MFSD11: variants seen among roughly 807,000 people sequenced by gnomAD.
MFSD11 encodes UNC93-like protein MFSD11.
MFSD11 carries 36 observed loss-of-function variants against 53.5 expected under a neutral mutation model. The ratio of observed to expected loss-of-function variants is 0.67; its 90% CI spans 0.52 to 0.89. MFSD11 has a LOEUF of 0.89. Among genes scored for constraint, MFSD11 ranks in the 40% least tolerant of loss-of-function variants. The pLI is 0.00. For missense variants in MFSD11, 530 were observed against 543.9 expected (o/e 0.97, Z 0.25); for synonymous variants, 186 against 184.9 (o/e 1.01, Z -0.05).
the MFSD11 span, among the ~76,000 whole-genome samples, chr17:76,795,437 T>G: frequency 6.6e-6 from 1 of 151,348 alleles, no homozygotes; most frequent in Non-Finnish European, 1.5e-5. Context: ...TGCAGTGAGC[T>G]GAGATTGCAC....
In MFSD11 at chr17:76,738,327, G is replaced by C; in HGVS notation, c.-26G>C. On this transcript the variant is annotated 5_prime_UTR_variant, in exon 1 of 13. Transcript: ENST00000685175. The stretch of plus-strand genomic sequence containing the variant: ...CGAGGAGAGCTGACTGCCCTGGGCT[G>C]CTGCCTCCGGCAGAGCTGAGCCAAA... 1 of 1,544,734 alleles carries C rather than the reference G, an allele frequency of 6.5e-7. No individual in the cohort carries two copies. Among genetic ancestry groups the C allele is most frequent in the Non-Finnish European group, 9.0e-7 (1 of 1,117,196 alleles).
At chr17:76,790,608 G>A in the MFSD11 span, among the ~76,000 whole-genome samples, 1 of 141,466 alleles carries the variant, frequency 7.1e-6, no homozygotes, top group Non-Finnish European at 1.5e-5. Context: ...GTGAGCCACC[G>A]TGCCCGGCCT....
chr17:76,754,682 T>G (rs1207500526), intron 8 of MFSD11, among the ~76,000 whole-genome samples: 1 of 10,314 alleles, frequency 9.7e-5, no homozygotes. Context: ...AGACTCCATC[T>G]CAAAAAAAAA....
chr17:76,758,452 A>C (rs1177044928), intron 8 of MFSD11, among the ~76,000 whole-genome samples: 1 of 151,888 alleles, frequency 6.6e-6, no homozygotes, highest in Admixed American at 6.6e-5. Flanking sequence ...GTTTTGGGGC[A>C]TGCACTTGCA....
chr17:76,781,982 T>C (rs2082174075), downstream of MFSD11, among the ~76,000 whole-genome samples: 1 of 147,972 alleles, frequency 6.8e-6, no homozygotes, highest in African/African-American at 2.6e-5. Flanking sequence ...CCACCATGCC[T>C]GGATAATTTT....
rs556794182 is a variant in MFSD11, at chr17:76,743,187, G to A, written c.438-211G>A. ...CCTCTGAATCAGGTTACTGTCACAT[G>A]GAAGGAGACTGAATTCCATCTGGGG... On this transcript the variant is annotated intron_variant, in intron 5 of 12. Transcript: ENST00000685175. Among the ~76,000 whole-genome samples the A allele has an allele frequency of 9.5e-4, 144 of 152,244 alleles. 1 individual carries two copies. The highest frequency in any genetic ancestry group is 7.4e-3 in the Admixed American group (113 of 15,302).
chr17:76,738,349 C>A lies in MFSD11; in HGVS notation c.-4C>A. The A allele has an allele frequency of 6.2e-7, 1 of 1,613,296 alleles. No homozygotes were observed. Among genetic ancestry groups the A allele is most frequent in the Non-Finnish European group, 8.5e-7 (1 of 1,179,278 alleles). On this transcript the variant is annotated 5_prime_UTR_variant, in exon 1 of 13. Transcript: ENST00000685175. ...GCTGCTGCCTCCGGCAGAGCTGAGC[C>A]AAAATGTCCCCGGAATCTAAAAAGC...
chr17:76,758,175 G>T (rs2079837494), intron 8 of MFSD11, among the ~76,000 whole-genome samples: 1 of 152,086 alleles, frequency 6.6e-6, no homozygotes, highest in Non-Finnish European at 1.5e-5. Context: ...ATAAAAGTGG[G>T]TCTTAAGCAA....
At chr17:76,791,038 G>T in the MFSD11 span, among the ~76,000 whole-genome samples, 1 of 148,666 alleles carries the variant, frequency 6.7e-6, no homozygotes, top group Non-Finnish European at 1.5e-5. Context: ...ATACTAGGAT[G>T]TATATTTGTG....
intron 8 of MFSD11, among the ~76,000 whole-genome samples, chr17:76,764,064 C>T (rs749555792): frequency 5.3e-5 from 8 of 152,062 alleles, no homozygotes; most frequent in Non-Finnish European, 8.8e-5. Flanking sequence ...GGGGTTTTAC[C>T]ATGTTGGCCC....
intron 7 of MFSD11, chr17:76,753,053 T>A (rs1262524523): frequency 6.6e-6 from 1 of 151,220 alleles, no homozygotes; most frequent in African/African-American, 2.4e-5. Context: ...AAAAATCTTG[T>A]CACATGTTGG....
upstream of MFSD11, chr17:76,737,338 G>T: frequency 2.5e-6 from 2 of 810,326 alleles, no homozygotes; most frequent in South Asian, 2.2e-5. Flanking sequence ...AACTGGGCGG[G>T]CAGCCGGCCT....
At chr17:76,755,784 G>GTATA (rs1482462824) in intron 8 of MFSD11, among the ~76,000 whole-genome samples, 1 of 23,284 alleles carries the variant, frequency 4.3e-5, no homozygotes, top group Non-Finnish European at 1.0e-4. Flanking sequence ...GTGTGTGTGT[G>GTATA]TGTATACATA....
intron 8 of MFSD11, among the ~76,000 whole-genome samples, chr17:76,766,005 G>A (rs1198287312): frequency 1.3e-5 from 2 of 150,752 alleles, no homozygotes; most frequent in Non-Finnish European, 2.9e-5. Context: ...TTCACTCTTG[G>A]TGTGGTACCT....
At chr17:76,788,777 T>C in the MFSD11 span, among the ~76,000 whole-genome samples, 2 of 145,942 alleles carry the variant, frequency 1.4e-5, no homozygotes, top group Admixed American at 1.4e-4. Context: ...CACTTGAACC[T>C]GGGAGAAGGA....
upstream of MFSD11, chr17:76,737,391 C>A: frequency 2.0e-6 from 1 of 510,748 alleles, no homozygotes; most frequent in South Asian, 3.7e-5. Context: ...GCGCCCGCGC[C>A]ACCCGGAAAT....
At chr17:76,766,002 T>C (rs1472404384) in intron 8 of MFSD11, among the ~76,000 whole-genome samples, 2 of 151,350 alleles carry the variant, frequency 1.3e-5, no homozygotes, top group African/African-American at 4.9e-5. Flanking sequence ...GGATTCACTC[T>C]TGGTGTGGTA....
Position 76,776,089 on chromosome 17 carries a change from G to A in MFSD11, c.1050-317G>A, listed in dbSNP as rs144049017. On this transcript the variant is annotated intron_variant, in intron 11 of 12. Coordinates refer to ENST00000685175, the MANE Select transcript of MFSD11 (RefSeq NM_001242532.5). The surrounding 1 kb of genome is among the most constrained non-coding windows in gnomAD (Gnocchi z 4.2). Reference sequence around the variant, plus strand: ...CACCTCCGGGGTTCAAGTGATTCTCGTGTCTCAGCCTCCCGAGTAGCTGGG... The same window carrying A: ...CACCTCCGGGGTTCAAGTGATTCTCATGTCTCAGCCTCCCGAGTAGCTGGG... Among the ~76,000 whole-genome samples, 721 of 152,118 alleles carry A rather than the reference G, an allele frequency of 4.7e-3. 4 individuals carry two copies. The highest frequency in any genetic ancestry group is 7.6e-3 in the Non-Finnish European group (518 of 67,988).
At chr17:76,777,081 C>T (rs1250449707) in intron 12 of MFSD11, among the ~76,000 whole-genome samples, 1 of 152,078 alleles carries the variant, frequency 6.6e-6, no homozygotes. Context: ...TCCTGGCTAA[C>T]ACGGTGAAAC....
Sources: gnomAD v4.1 joint callset for allele counts (sites outside exome capture counted in the v4.1 genomes callset) on GRCh38, gnomAD v4.1.1 for gene constraint, Gnocchi (gnomAD v3.1) non-coding constraint, MANE v1.5 for transcripts, NCBI Gene and HGNC (gene_info 2026-07-23, HGNC 2026-07-21) for gene names.